The following SAMMSON variants were observed in gnomAD, a reference collection of about 807,000 sequenced individuals.
The protein encoded by SAMMSON is survival associated mitochondrial melanoma specific oncogenic non-coding RNA.
chr3:70,378,512 G>A (rs1039761901), intron 9 of SAMMSON, among the ~76,000 whole-genome samples: 12 of 151,884 alleles, frequency 7.9e-5, no homozygotes, highest in African/African-American at 2.9e-4. Context: ...ATGAACATGA[G>A]GTAATAAATA....
At chr3:70,147,998 G>C (rs1323977700) in intron 4 of SAMMSON, among the ~76,000 whole-genome samples, 1 of 152,034 alleles carries the variant, frequency 6.6e-6, no homozygotes, top group African/African-American at 2.4e-5. Flanking sequence ...TTACCAATGA[G>C]GATACACAGA....
chr3:70,108,587 A>G (rs1373376748), intron 4 of SAMMSON, among the ~76,000 whole-genome samples: 1 of 151,790 alleles, frequency 6.6e-6, no homozygotes, highest in African/African-American at 2.4e-5. Context: ...CTCCAATGTA[A>G]TGAGAGTTGG....
At chr3:70,382,111 A>T (rs1210281953) in intron 9 of SAMMSON, among the ~76,000 whole-genome samples, 1 of 152,158 alleles carries the variant, frequency 6.6e-6, no homozygotes, top group African/African-American at 2.4e-5. Flanking sequence ...CATGAAATAC[A>T]TATGGAAGAT....
intron 2 of SAMMSON, among the ~76,000 whole-genome samples, chr3:70,415,015 G>A (rs1022001053): frequency 6.6e-5 from 10 of 151,958 alleles, no homozygotes; most frequent in African/African-American, 2.4e-4. Context: ...GAGAAAAGCT[G>A]AAAAGAATTG....
At chr3:70,016,775 G>A (rs1020076778) in intron 3 of SAMMSON, among the ~76,000 whole-genome samples, 3 of 152,118 alleles carry the variant, frequency 2.0e-5, no homozygotes, top group African/African-American at 7.2e-5. Flanking sequence ...AAGGTGTAAG[G>A]AAGAGATCCA....
chr3:70,189,217 A>AT (rs538009371), intron 4 of SAMMSON, among the ~76,000 whole-genome samples: 10 of 151,746 alleles, frequency 6.6e-5, no homozygotes, highest in South Asian at 4.2e-4. Context: ...ATTGACAGGA[A>AT]TTTTTTTTTG....
intron 9 of SAMMSON, among the ~76,000 whole-genome samples, chr3:70,376,239 C>T (rs1315807524): frequency 6.6e-6 from 1 of 152,182 alleles, no homozygotes; most frequent in Non-Finnish European, 1.5e-5. Flanking sequence ...AGAGAATTCA[C>T]GGAAAATTTC....
At chr3:70,370,914 C>T (rs182313484) in intron 9 of SAMMSON, among the ~76,000 whole-genome samples, 287 of 152,054 alleles carry the variant, frequency 1.9e-3, no homozygotes, top group African/African-American at 5.7e-3. Context: ...GGGGAGTTTT[C>T]CCTAGGTTTT....
At chr3:70,087,451 C>T (rs150180849) in intron 4 of SAMMSON, among the ~76,000 whole-genome samples, 21 of 152,236 alleles carry the variant, frequency 1.4e-4, no homozygotes, top group Admixed American at 6.5e-4. Flanking sequence ...TATGCACATT[C>T]GTCCAAAAAT....
chr3:70,290,438 C>T (rs893861239), intron 6 of SAMMSON, among the ~76,000 whole-genome samples: 1 of 152,212 alleles, frequency 6.6e-6, no homozygotes, highest in Admixed American at 6.5e-5. Flanking sequence ...CAGCTGCGTA[C>T]TGGGAGAACC....
intron 4 of SAMMSON, among the ~76,000 whole-genome samples, chr3:70,133,846 GAGGTATAGC>G (rs2067494060): frequency 6.6e-6 from 1 of 152,124 alleles, no homozygotes; most frequent in Non-Finnish European, 1.5e-5. Context: ...TTAATTTTCT[GAGGTATAGC>G]AGGTAAGAAT....
chr3:70,355,134 T>C (rs1179301958), intron 8 of SAMMSON, among the ~76,000 whole-genome samples: 1 of 152,154 alleles, frequency 6.6e-6, no homozygotes, highest in Non-Finnish European at 1.5e-5. Context: ...ACTTCAGGTC[T>C]CTTCTGAATT....
At chr3:70,286,389 G>T (rs571038021) in intron 6 of SAMMSON, among the ~76,000 whole-genome samples, 47 of 152,018 alleles carry the variant, frequency 3.1e-4, no homozygotes, top group African/African-American at 1.1e-3. Flanking sequence ...CATTATTTCT[G>T]AGGGCTCTGT....
At chr3:70,151,300 G>A (rs1033022283) in intron 4 of SAMMSON, among the ~76,000 whole-genome samples, 5 of 151,966 alleles carry the variant, frequency 3.3e-5, no homozygotes, top group South Asian at 2.1e-4. Flanking sequence ...GGATGGTGTC[G>A]GGGTGTTCAG....
intron 2 of SAMMSON, among the ~76,000 whole-genome samples, chr3:70,418,800 A>G (rs1428584858): frequency 6.6e-6 from 1 of 152,122 alleles, no homozygotes; most frequent in Admixed American, 6.6e-5. Context: ...GACAAGCCTT[A>G]TCTGGGAAAG....
intron 1 of SAMMSON, chr3:70,009,293 A>G (rs1227281511): frequency 1.3e-5 from 2 of 151,924 alleles, no homozygotes; most frequent in African/African-American, 4.8e-5. Context: ...TTGGTAAGCT[A>G]TTAATTATTG....
intron 4 of SAMMSON, among the ~76,000 whole-genome samples, chr3:70,226,810 A>G (rs1369739862): frequency 2.0e-5 from 3 of 152,110 alleles, no homozygotes; most frequent in African/African-American, 7.2e-5. Flanking sequence ...AAGAGAAGAC[A>G]AAGTTTGTAG....
intron 7 of SAMMSON, among the ~76,000 whole-genome samples, chr3:70,347,337 C>T (rs1453123728): frequency 2.0e-5 from 3 of 152,102 alleles, no homozygotes; most frequent in Admixed American, 6.5e-5. Flanking sequence ...CAAGGGAGGG[C>T]AATTAAAAGA....
Position 70,089,849 on chromosome 3 carries a change from G to A in SAMMSON, n.507+18284G>A, listed in dbSNP as rs111398756. The stretch of plus-strand genomic sequence containing the variant: ...ATGGGTCAATCTTTACAGGTAGAGT[G>A]TGGGAGTCTGCTTTTCCCAGCCCTG... On this transcript the variant is annotated intron_variant and non_coding_transcript_variant, in intron 4 of 9. Coordinates refer to ENST00000642114, the Ensembl canonical transcript of SAMMSON. Among the ~76,000 whole-genome samples the A allele has an allele frequency of 9.1e-3, 1,390 of 152,244 alleles. 12 individuals are homozygous for A. Among genetic ancestry groups the A allele is most frequent in the African/African-American group, 0.031 (1,285 of 41,540 alleles).
Sources: allele counts gnomAD v4.1 joint callset (sites outside exome capture counted in the v4.1 genomes callset), GRCh38; gene constraint gnomAD v4.1.1; transcripts MANE v1.5; gene names NCBI Gene and HGNC (gene_info 2026-07-23, HGNC 2026-07-21).